ADCY9: variants seen among roughly 807,000 people sequenced by gnomAD.
The protein encoded by ADCY9 is adenylate cyclase 9, also known as adenylate cyclase type 9.
ADCY9 carries 50 observed loss-of-function variants against 101.5 expected under a neutral mutation model. The observed-to-expected ratio is 0.49, with a 90% CI of 0.39 to 0.62. The LOEUF (loss-of-function observed/expected upper bound fraction) is 0.62, where lower values mean the gene tolerates loss of function less well. ADCY9 is among the 20% of genes least tolerant of loss of function. The pLI is 0.00. For synonymous variants in ADCY9, 905 were observed against 769.3 expected (o/e 1.18, Z -2.92); for missense variants, 1,662 against 1,800.4 (o/e 0.92, Z 1.39).
chr16:4,061,008 T>C (rs1210826887), intron 2 of ADCY9, among the ~76,000 whole-genome samples: 1 of 151,960 alleles, frequency 6.6e-6, no homozygotes, highest in Admixed American at 6.6e-5. Flanking sequence ...AAATAGAGAA[T>C]ACTAATAAAG....
intron 9 of ADCY9, among the ~76,000 whole-genome samples, chr16:3,975,158 C>G (rs1206757566): frequency 6.6e-6 from 1 of 152,126 alleles, no homozygotes; most frequent in Admixed American, 6.5e-5. Context: ...ACGGTGAATG[C>G]CCGATGAGGG....
At chr16:4,025,276 G>C (rs780093554) in intron 2 of ADCY9, among the ~76,000 whole-genome samples, 2 of 151,900 alleles carry the variant, frequency 1.3e-5, no homozygotes, top group African/African-American at 4.8e-5. Flanking sequence ...AGGAGGCTGA[G>C]GCAGGAGAAT....
chr16:4,058,635 C>T (rs1026896858), intron 2 of ADCY9, among the ~76,000 whole-genome samples: 13 of 152,088 alleles, frequency 8.5e-5, no homozygotes, highest in Non-Finnish European at 1.9e-4. Context: ...CCACTACTTT[C>T]CTGGAGAACC....
Position 3,969,614 on chromosome 16 carries a change from T to TATATATACGTA in ADCY9, c.2871-2649_2871-2648insTACGTATATAT, listed in dbSNP as rs1567414929. ...TATATATATATATATATATATGTAT[T>TATATATACGTA]TTTTTTTTTTTTTAAGAAGAGACAG... On this transcript the variant is annotated intron_variant, in intron 10 of 10. Transcript: ENST00000294016. 3.5e-3 allele frequency among the ~76,000 whole-genome samples: 177 copies of TATATATACGTA among 50,704 alleles called. 19 individuals are homozygous for TATATATACGTA. Among genetic ancestry groups the TATATATACGTA allele is most frequent in the African/African-American group, 0.011 (142 of 12,598 alleles). The allele number at this position is 50,704 out of a possible 152,430, so 33.3% of individuals were successfully genotyped here.
At chr16:4,009,500 G>A (rs572210014) in intron 2 of ADCY9, among the ~76,000 whole-genome samples, 48 of 152,222 alleles carry the variant, frequency 3.2e-4, no homozygotes, top group Non-Finnish European at 4.4e-4. Flanking sequence ...CAAGTGATCC[G>A]CCCATCTTGG....
chr16:3,982,748 C>G (rs2056154778), intron 7 of ADCY9: 1 of 160,572 alleles, frequency 6.2e-6, no homozygotes, highest in African/African-American at 2.4e-5. Context: ...AGCGCAACAG[C>G]TTAACTTCTG....
chr16:4,099,859 C>G lies in ADCY9; in HGVS notation c.1693+13891G>C, dbSNP rs557469183. Among the ~76,000 whole-genome samples the G allele has an allele frequency of 2.0e-5, 3 of 152,334 alleles. No homozygotes were observed. The East Asian group carries it at 5.8e-4, about 29-fold the overall frequency. ...TTGAGCCCAGGAGTTTGAGACCAGCCTAGGCAACATGGCAAGACCCTGTCT... is the reference window on the plus strand; with the variant it reads ...TTGAGCCCAGGAGTTTGAGACCAGCGTAGGCAACATGGCAAGACCCTGTCT... On this transcript the variant is annotated intron_variant, in intron 2 of 10. Transcript: ENST00000294016.
intron 3 of ADCY9, among the ~76,000 whole-genome samples, chr16:3,994,646 C>T (rs1393076718): frequency 6.6e-6 from 1 of 150,524 alleles, no homozygotes; most frequent in South Asian, 2.1e-4. Flanking sequence ...TTAGTAGAAA[C>T]GGGGTTTCGC....
Position 3,966,974 on chromosome 16 carries a change from G to A in ADCY9, c.2871-8C>T, listed in dbSNP as rs1597132349. ...CACGGGTTCCTCTCGGAACTGGAGA[G>A]CAAAGACACGGGAAAGGGAGAGGTT... On this transcript the variant is annotated splice_region_variant and splice_polypyrimidine_tract_variant and intron_variant, in intron 10 of 10. Coordinates refer to ENST00000294016, the MANE Select transcript of ADCY9 (RefSeq NM_001116.4). 1 of 1,603,300 alleles carries A rather than the reference G, an allele frequency of 6.2e-7. No individual in the cohort carries two copies. Among genetic ancestry groups the A allele is most frequent in the Non-Finnish European group, 8.5e-7 (1 of 1,173,678 alleles).
At chr16:4,102,614 G>A (rs577335197) in intron 2 of ADCY9, among the ~76,000 whole-genome samples, 1 of 152,064 alleles carries the variant, frequency 6.6e-6, no homozygotes, top group African/African-American at 2.4e-5. Context: ...TAGTAGAGAC[G>A]GGGTTTCTCC....
intron 2 of ADCY9, among the ~76,000 whole-genome samples, chr16:4,087,962 G>A (rs912529595): frequency 4.7e-5 from 7 of 149,212 alleles, no homozygotes; most frequent in African/African-American, 1.5e-4. Flanking sequence ...TTGCGACAGA[G>A]TCTCACTCTG....
Position 4,115,504 on chromosome 16 carries a change from G to A in ADCY9, c.-43-19C>T. 6.8e-7 allele frequency: 1 copy of A among 1,464,482 alleles called. No individual in the cohort carries two copies. Among genetic ancestry groups the A allele is most frequent in the Non-Finnish European group, 9.0e-7 (1 of 1,110,004 alleles). The allele number at this position is 1,464,482 out of a possible 1,614,324, so 90.7% of individuals were successfully genotyped here. On this transcript the variant is annotated intron_variant, in intron 1 of 10. Transcript: ENST00000294016. The surrounding 1 kb of genome is among the most constrained non-coding windows in gnomAD (Gnocchi z 6.2). Reference sequence around the variant, plus strand: ...CCAGTACCTGCCAGCAAAACGGGGAGAGTTAGCGGCGCTCCCACCTAGGCA... The same window carrying A: ...CCAGTACCTGCCAGCAAAACGGGGAAAGTTAGCGGCGCTCCCACCTAGGCA...
chr16:4,010,621 G>C (rs1334222482), intron 2 of ADCY9, among the ~76,000 whole-genome samples: 1 of 152,208 alleles, frequency 6.6e-6, no homozygotes, highest in African/African-American at 2.4e-5. Context: ...CCCATTACCT[G>C]AAGAGGGGCC....
rs1382458827 is a variant in ADCY9, at chr16:4,097,553, A to ATATTTT, written c.1693+16196_1693+16197insAAAATA. ...CATATATATATATATATATATATAT[A>ATATTTT]TTTTTTTTTTTTTTTTTTAAGACAG... On this transcript the variant is annotated intron_variant, in intron 2 of 10. Transcript: ENST00000294016. Among the ~76,000 whole-genome samples, 299 of 53,410 alleles carry ATATTTT rather than the reference A, an allele frequency of 5.6e-3. 12 individuals carry two copies. Among genetic ancestry groups the ATATTTT allele is most frequent in the Middle Eastern group, 0.015 (1 of 68 alleles). The allele number at this position is 53,410 out of a possible 152,430, so 35.0% of individuals were successfully genotyped here.
chr16:3,985,093 C>T (rs2056179490), intron 6 of ADCY9, among the ~76,000 whole-genome samples: 1 of 152,100 alleles, frequency 6.6e-6, no homozygotes, highest in Non-Finnish European at 1.5e-5. Flanking sequence ...CTGGAATCCC[C>T]TCAGAAGGTG....
chr16:3,989,834 C>T (rs1014766677), intron 5 of ADCY9, among the ~76,000 whole-genome samples: 4 of 152,170 alleles, frequency 2.6e-5, no homozygotes, highest in East Asian at 1.9e-4. Flanking sequence ...TCAGAACCGG[C>T]GGTCCTGTCA....
At chr16:4,073,244 G>T (rs557454353) in intron 2 of ADCY9, among the ~76,000 whole-genome samples, 210 of 142,508 alleles carry the variant, frequency 1.5e-3, no homozygotes, top group African/African-American at 5.4e-3. Flanking sequence ...ACAGGCATGC[G>T]CCACCATGCC....
chr16:4,046,686 G>A (rs1466952744), intron 2 of ADCY9, among the ~76,000 whole-genome samples: 2 of 152,148 alleles, frequency 1.3e-5, no homozygotes, highest in African/African-American at 4.8e-5. Context: ...TAAGCTACTA[G>A]TTCACGCAGA....
intron 2 of ADCY9, among the ~76,000 whole-genome samples, chr16:4,045,267 T>C (rs984998334): frequency 4.6e-5 from 7 of 151,888 alleles, no homozygotes; most frequent in African/African-American, 1.5e-4. Context: ...AAAGCCCAGG[T>C]AACAATAAAC....
Sources: gnomAD v4.1 joint callset for allele counts (sites outside exome capture counted in the v4.1 genomes callset) on GRCh38, gnomAD v4.1.1 for gene constraint, Gnocchi (gnomAD v3.1) non-coding constraint, MANE v1.5 for transcripts, NCBI Gene and HGNC (gene_info 2026-07-23, HGNC 2026-07-21) for gene names.